Variants in AP3B1 observed in about 807,000 individuals in gnomAD.
AP3B1 encodes adaptor related protein complex 3 subunit beta 1.
A neutral mutation model predicts 132.5 loss-of-function variants in AP3B1; 61 were observed. The ratio of observed to expected loss-of-function variants is 0.46; its 90% confidence interval spans 0.37 to 0.57. The LOEUF is 0.57. AP3B1 is among the 20% of genes least tolerant of loss of function. The pLI, the probability that AP3B1 is intolerant of heterozygous loss-of-function variation, is 0.00. For synonymous variants in AP3B1, 388 were observed against 438.3 expected, an observed-to-expected ratio of 0.89 and a Z score of 1.43; for missense variants, 1,120 against 1,289.4, an observed-to-expected ratio of 0.87 and a Z score of 2.01.
chr5:78,243,070 T>C (rs562966930), intron 2 of AP3B1, among the ~76,000 whole-genome samples: 3 of 152,242 alleles, frequency 2.0e-5, no homozygotes, highest in Non-Finnish European at 4.4e-5. Context: ...CCTTAAAATA[T>C]TCTTGAATAC....
intron 2 of AP3B1, among the ~76,000 whole-genome samples, chr5:78,241,983 C>T (rs1478283885): frequency 6.6e-6 from 1 of 152,174 alleles, no homozygotes; most frequent in Non-Finnish European, 1.5e-5. Flanking sequence ...CCTTCCACTG[C>T]TATTATCCTA....
At chr5:78,120,014 G>C (rs1351312835) in intron 17 of AP3B1, among the ~76,000 whole-genome samples, 1 of 152,230 alleles carries the variant, frequency 6.6e-6, no homozygotes, top group Non-Finnish European at 1.5e-5. Context: ...CTACAAGCCA[G>C]AGGAGAGTGG....
chr5:78,114,811 T>C (rs1751754282), intron 18 of AP3B1, among the ~76,000 whole-genome samples: 1 of 152,212 alleles, frequency 6.6e-6, no homozygotes, highest in African/African-American at 2.4e-5. Flanking sequence ...CCTGTATTGT[T>C]TTAAGACGGC....
At chr5:78,066,921 C>G (rs1007548936) in intron 22 of AP3B1, among the ~76,000 whole-genome samples, 2 of 152,074 alleles carry the variant, frequency 1.3e-5, no homozygotes, top group Non-Finnish European at 2.9e-5. Context: ...GAGAGAAAGG[C>G]CAGATCACCT....
intron 22 of AP3B1, among the ~76,000 whole-genome samples, chr5:78,078,285 T>C (rs563425693): frequency 6.6e-6 from 1 of 152,296 alleles, no homozygotes; most frequent in South Asian, 2.1e-4. Flanking sequence ...CCGGTGCAAA[T>C]CTCAGTTATC....
At chr5:78,104,087 T>C (rs1751235947) in intron 20 of AP3B1, among the ~76,000 whole-genome samples, 1 of 152,160 alleles carries the variant, frequency 6.6e-6, no homozygotes, top group Non-Finnish European at 1.5e-5. Flanking sequence ...GTAAAGTCTG[T>C]CAAAGCCATA....
chr5:78,167,121 A>G (rs1462426032), intron 11 of AP3B1, among the ~76,000 whole-genome samples: 1 of 152,222 alleles, frequency 6.6e-6, no homozygotes, highest in African/African-American at 2.4e-5. Flanking sequence ...AATATCCAGA[A>G]TCTACAAAGA....
chr5:78,145,347 A>G (rs1390876363), intron 14 of AP3B1, among the ~76,000 whole-genome samples: 2 of 152,198 alleles, frequency 1.3e-5, no homozygotes, highest in Non-Finnish European at 2.9e-5. Context: ...CCAAAGCCCT[A>G]TGAAGTATGC....
intron 24 of AP3B1, among the ~76,000 whole-genome samples, chr5:78,025,926 A>G (rs1003608946): frequency 5.3e-5 from 8 of 152,232 alleles, no homozygotes; most frequent in African/African-American, 2.4e-5. Context: ...CTTATAATAG[A>G]ACTAAGATGG....
At chr5:78,146,637 T>C (rs113570439) in intron 14 of AP3B1, among the ~76,000 whole-genome samples, 38 of 152,192 alleles carry the variant, frequency 2.5e-4, no homozygotes, top group Non-Finnish European at 4.4e-4. Flanking sequence ...TATTCTATTT[T>C]ACAAAATCAG....
At chr5:78,037,816 A>C (rs894632665) in intron 23 of AP3B1, among the ~76,000 whole-genome samples, 4 of 152,222 alleles carry the variant, frequency 2.6e-5, no homozygotes, top group African/African-American at 9.6e-5. Flanking sequence ...TAAACCTTTT[A>C]TTACTTTTAA....
At chr5:78,078,893 T>C (rs191894699) in intron 22 of AP3B1, among the ~76,000 whole-genome samples, 2 of 152,324 alleles carry the variant, frequency 1.3e-5, no homozygotes, top group Admixed American at 1.3e-4. Context: ...AGAATGCAAA[T>C]ATCTAGAGAA....
At chr5:78,196,920 T>C (rs1745097397) in intron 7 of AP3B1, among the ~76,000 whole-genome samples, 1 of 152,178 alleles carries the variant, frequency 6.6e-6, no homozygotes, top group African/African-American at 2.4e-5. Context: ...AGCAAAACTA[T>C]TGTGTATGAT....
chr5:78,003,448 A>C (rs1746265341), intron 26 of AP3B1: 1 of 776,760 alleles, frequency 1.3e-6, no homozygotes, highest in Admixed American at 6.3e-5. Flanking sequence ...AAACATGTTA[A>C]GAAAAGGTAC....
intron 22 of AP3B1, among the ~76,000 whole-genome samples, chr5:78,064,597 TAGAA>T (rs1749201653): frequency 6.6e-6 from 1 of 152,210 alleles, no homozygotes; most frequent in Non-Finnish European, 1.5e-5. Flanking sequence ...AATGTTACCT[TAGAA>T]AGATGTGCTT....
At chr5:78,223,149 G>A (rs765582887) in intron 6 of AP3B1, among the ~76,000 whole-genome samples, 14 of 151,008 alleles carry the variant, frequency 9.3e-5, no homozygotes, top group Non-Finnish European at 1.9e-4. Context: ...CATGAACAAT[G>A]GTGCGTGGCC....
chr5:78,228,846 T>C (rs1746508821), intron 3 of AP3B1, among the ~76,000 whole-genome samples: 1 of 152,242 alleles, frequency 6.6e-6, no homozygotes, highest in South Asian at 2.1e-4. Context: ...TTCAGTCCAG[T>C]AAGAATAATG....
At chr5:78,096,587 C>G (rs1218143668) in intron 21 of AP3B1, among the ~76,000 whole-genome samples, 1 of 151,330 alleles carries the variant, frequency 6.6e-6, no homozygotes, top group Non-Finnish European at 1.5e-5. Flanking sequence ...CCCGGCCGCC[C>G]ATCGTCTGAG....
chr5:78,207,674 C>T (rs34514045), intron 7 of AP3B1, among the ~76,000 whole-genome samples: 56,078 of 151,822 alleles, frequency 0.37, 10,687 homozygotes, highest in African/African-American at 0.46. Flanking sequence ...CTGATTAATT[C>T]TCAAAGACTT....
Sources: allele counts gnomAD v4.1 joint callset (sites outside exome capture counted in the v4.1 genomes callset), GRCh38; gene constraint gnomAD v4.1.1; transcripts MANE v1.5; gene names NCBI Gene and HGNC (gene_info 2026-07-23, HGNC 2026-07-21).